Variants in ELAPOR2 observed in about 807,000 individuals in gnomAD.
The protein encoded by ELAPOR2 is endosome/lysosome-associated apoptosis and autophagy regulator family member 2.
In ELAPOR2, 89 loss-of-function variants were observed where a neutral mutation model predicts 120.7. That is an observed-to-expected ratio of 0.74 (90% confidence interval 0.62 to 0.88). The LOEUF (loss-of-function observed/expected upper bound fraction) is 0.88, where lower values mean the gene tolerates loss of function less well. Ranked by LOEUF, ELAPOR2 falls within the 40% of genes least tolerant of loss-of-function variation. The pLI, the probability that ELAPOR2 is intolerant of heterozygous loss-of-function variation, is 0.00. For synonymous variants in ELAPOR2, 444 were observed against 444.9 expected (o/e 1.00, Z 0.03); for missense variants, 1,134 against 1,251.6 (o/e 0.91, Z 1.42).
At chr7:86,963,457 A>G (rs1052798433) in intron 2 of ELAPOR2, among the ~76,000 whole-genome samples, 1 of 152,174 alleles carries the variant, frequency 6.6e-6, no homozygotes, top group Non-Finnish European at 1.5e-5. Flanking sequence ...GCCAGTTTTC[A>G]TGGATACAAT....
At chr7:86,925,947 C>T (rs186274928) in intron 9 of ELAPOR2, among the ~76,000 whole-genome samples, 17 of 152,072 alleles carry the variant, frequency 1.1e-4, no homozygotes, top group Admixed American at 1.0e-3. Flanking sequence ...GGAGTAGCTG[C>T]TAATACTTAA....
At chr7:86,976,035 T>C (rs754009392) in intron 1 of ELAPOR2, among the ~76,000 whole-genome samples, 3 of 152,020 alleles carry the variant, frequency 2.0e-5, no homozygotes, top group Admixed American at 6.6e-5. Flanking sequence ...GTGAGAGGGA[T>C]ATCCATGTGC....
At chr7:86,926,964 T>G (rs1336227984) in intron 8 of ELAPOR2, 48 bp from the exon 9 acceptor site, 6 of 1,407,886 alleles carry the variant, frequency 4.3e-6, no homozygotes, top group Non-Finnish European at 5.5e-6. Flanking sequence ...TATAACATGC[T>G]TATAACAAAA....
chr7:87,053,809 C>T (rs1041481215), intron 1 of ELAPOR2, among the ~76,000 whole-genome samples: 1 of 152,194 alleles, frequency 6.6e-6, no homozygotes, highest in Non-Finnish European at 1.5e-5. Flanking sequence ...CACCCACAAC[C>T]TGCATCCAGC....
intron 3 of ELAPOR2, among the ~76,000 whole-genome samples, chr7:86,946,161 A>T (rs1010304728): frequency 3.0e-4 from 40 of 135,492 alleles, no homozygotes; most frequent in African/African-American, 7.2e-4. Context: ...ACCATTTCTC[A>T]CACACACACA....
intron 17 of ELAPOR2, 78 bp downstream of exon 17, chr7:86,908,369 T>C: frequency 1.4e-6 from 1 of 735,142 alleles, no homozygotes; most frequent in Non-Finnish European, 2.3e-6. Flanking sequence ...TAATTATAAA[T>C]ATATGAGTAT....
In ELAPOR2 at chr7:86,919,260, T is replaced by C. The variant is rs775766877; in HGVS notation, c.1450A>G (p.Asn484Asp). ...TGCAAGTTTAAGATCAGGTAATCAT[T>C]GTCAGAACCTCCAGCCCCACTCTGG... The part of the protein sequence containing the change: ...HIQSGAGGSD[N>D]DYLILNLHIP... The change falls in exon 11 of 22, where the codon AAT becomes GAT. Residue 484 changes from asparagine to aspartate, a missense_variant. Asn to Asp is a conservative substitution (Grantham distance 23). This residue lies in a region of ELAPOR2 where 831 missense variants were observed against 867.6 expected (regional missense o/e 0.96). Coordinates refer to ENST00000450689, the MANE Select transcript of ELAPOR2 (RefSeq NM_001142749.3). 1.9e-6 allele frequency: 3 copies of C among 1,612,390 alleles called. No homozygotes were observed. Among genetic ancestry groups the C allele is most frequent in the Non-Finnish European group, 8.5e-7 (1 of 1,178,968 alleles).
intron 2 of ELAPOR2, among the ~76,000 whole-genome samples, chr7:86,961,095 T>G (rs1342761846): frequency 6.6e-6 from 1 of 152,176 alleles, no homozygotes. Context: ...ACAGACATTA[T>G]ACATACATAT....
At position 86,918,670 on chromosome 7, in the gene ELAPOR2, T is replaced by A. The variant is rs77629665; in HGVS notation, c.1491-126A>T. Reference sequence around the variant, plus strand: ...CTCTTCCTCTAATCTACCACTTCCCTCACCCACAACTCCTTCCTCACTTAA... The same window carrying A: ...CTCTTCCTCTAATCTACCACTTCCCACACCCACAACTCCTTCCTCACTTAA... On this transcript the variant is annotated intron_variant, in intron 11 of 21. Transcript: ENST00000450689. The A allele has an allele frequency of 1.3e-3, 802 of 632,776 alleles. 10 individuals are homozygous for A. The East Asian group carries it at 0.022, about 17-fold the overall frequency. 39.2% of individuals were successfully genotyped at this position (632,776 alleles called of 1,614,324 possible).
intron 8 of ELAPOR2, among the ~76,000 whole-genome samples, chr7:86,933,788 G>A (rs183235924): frequency 8.0e-4 from 121 of 151,952 alleles, no homozygotes; most frequent in Admixed American, 1.4e-3. Flanking sequence ...CATGACCCTC[G>A]AATAAAGCTT....
At chr7:86,999,648 C>A (rs1793245029) in intron 1 of ELAPOR2, among the ~76,000 whole-genome samples, 1 of 152,122 alleles carries the variant, frequency 6.6e-6, no homozygotes, top group Non-Finnish European at 1.5e-5. Context: ...AGTGGATAAA[C>A]CCTCTTTAGG....
intron 18 of ELAPOR2, among the ~76,000 whole-genome samples, chr7:86,899,863 A>C (rs1788633981): frequency 1.3e-5 from 2 of 152,042 alleles, no homozygotes; most frequent in African/African-American, 4.8e-5. Flanking sequence ...TTTTTTTTTA[A>C]AGAGTAATGA....
At chr7:86,963,496 A>T (rs1421315093) in intron 2 of ELAPOR2, among the ~76,000 whole-genome samples, 2 of 152,138 alleles carry the variant, frequency 1.3e-5, no homozygotes, top group Non-Finnish European at 2.9e-5. Context: ...TCAAACTAAC[A>T]ATCAGTTCTC....
chr7:87,050,328 A>G (rs1429291055), intron 1 of ELAPOR2, among the ~76,000 whole-genome samples: 1 of 152,096 alleles, frequency 6.6e-6, no homozygotes, highest in African/African-American at 2.4e-5. Context: ...ATGGGGGCGG[A>G]TTGCTCATGG....
At chr7:86,987,090 T>C (rs1583954029) in intron 1 of ELAPOR2, among the ~76,000 whole-genome samples, 2 of 151,988 alleles carry the variant, frequency 1.3e-5, no homozygotes, top group East Asian at 3.9e-4. Flanking sequence ...AAACAAGAAA[T>C]GGGGAAAGGA....
intron 1 of ELAPOR2, among the ~76,000 whole-genome samples, chr7:86,994,019 C>T (rs987622915): frequency 2.6e-5 from 4 of 152,198 alleles, no homozygotes; most frequent in Non-Finnish European, 5.9e-5. Flanking sequence ...GACATCATTC[C>T]TCAGATTTCC....
chr7:86,932,526 C>T (rs1790372444), intron 8 of ELAPOR2, among the ~76,000 whole-genome samples: 1 of 151,874 alleles, frequency 6.6e-6, no homozygotes, highest in Non-Finnish European at 1.5e-5. Flanking sequence ...GTTACTCTGC[C>T]TCAGTGTAAT....
chr7:86,921,707 C>T (rs1789838375), intron 10 of ELAPOR2, among the ~76,000 whole-genome samples: 1 of 152,124 alleles, frequency 6.6e-6, no homozygotes, highest in South Asian at 2.1e-4. Context: ...AAAGAATCTA[C>T]TGCTCTGAAC....
intron 9 of ELAPOR2, 34 bp downstream of exon 9, chr7:86,926,702 A>G: frequency 6.5e-7 from 1 of 1,546,940 alleles, no homozygotes; most frequent in Non-Finnish European, 8.7e-7. Flanking sequence ...TCATTTTGCT[A>G]AAGGCCCAGT....
Sources: allele counts gnomAD v4.1 joint callset (sites outside exome capture counted in the v4.1 genomes callset), GRCh38; gene constraint gnomAD v4.1.1; regional missense constraint gnomAD v4.1.1; transcripts MANE v1.5; gene names NCBI Gene and HGNC (gene_info 2026-07-23, HGNC 2026-07-21).